SETDB1: variants seen among roughly 807,000 people sequenced by gnomAD.
The protein encoded by SETDB1 is SET domain bifurcated histone lysine methyltransferase 1.
In SETDB1, 31 loss-of-function variants were observed where a neutral mutation model predicts 137.4. That is an observed-to-expected ratio of 0.23 (90% CI 0.17 to 0.30). SETDB1 has a LOEUF of 0.30. Ranked by LOEUF, SETDB1 falls within the 10% of genes least tolerant of loss-of-function variation. The pLI is 1.00. For synonymous variants in SETDB1, 548 were observed against 579.9 expected, an observed-to-expected ratio of 0.95 and a Z score of 0.79; for missense variants, 1,113 against 1,631.5, an observed-to-expected ratio of 0.68 and a Z score of 5.47.
At chr1:150,959,395 G>C (rs775308993) in intron 15 of SETDB1, 48 bp downstream of exon 15, 2 of 1,478,200 alleles carry the variant, frequency 1.4e-6, no homozygotes, top group Non-Finnish European at 1.9e-6. Flanking sequence ...GGACATGGTA[G>C]GGAATTGAAC....
At chr1:150,962,256 C>A (rs987229525) in intron 17 of SETDB1, 98 bp downstream of exon 17, 1 of 1,078,940 alleles carries the variant, frequency 9.3e-7, no homozygotes, top group Non-Finnish European at 1.4e-6. Flanking sequence ...GCAACCTCCC[C>A]CTCCCAGGCT....
intron 15 of SETDB1, among the ~76,000 whole-genome samples, 169 bp downstream of exon 15, chr1:150,959,516 C>A (rs761956265): frequency 6.6e-5 from 10 of 151,940 alleles, no homozygotes; most frequent in Non-Finnish European, 1.3e-4. Context: ...CTAGCTAGAC[C>A]AGAGAGGGAC....
At position 150,949,453 on chromosome 1, in the gene SETDB1, A is replaced by C. The variant is rs1670433676; in HGVS notation, c.1511A>C (p.His504Pro). ...CGACCAGGATCTGTGGGCTCTGGTC[A>C]TTCCTCCCCTACATCTCCTGCACTC... is the stretch of plus-strand genomic sequence containing the variant. ...SFRPGSVGSG[H>P]SSPTSPALSE... Residue 504 changes from histidine (H) to proline (P), a missense_variant, in exon 12 of 22, where the codon CAT becomes CCT. His to Pro is a moderately conservative substitution (Grantham distance 77). Transcript: ENST00000692827. 1 of 1,614,010 alleles carries C rather than the reference A, an allele frequency of 6.2e-7. No homozygotes were observed. The highest frequency in any genetic ancestry group is 8.5e-7 in the Non-Finnish European group (1 of 1,179,998).
intron 15 of SETDB1, among the ~76,000 whole-genome samples, chr1:150,959,746 T>C (rs1670762700): frequency 6.6e-6 from 1 of 152,182 alleles, no homozygotes; most frequent in Non-Finnish European, 1.5e-5. Flanking sequence ...CTCCATACTT[T>C]CATAGTTAAG....
In SETDB1 at chr1:150,959,173, C is replaced by T; in HGVS notation, c.2334-5C>T. The T allele has an allele frequency of 6.5e-7, 1 of 1,533,144 alleles. No homozygotes were observed. The highest frequency in any genetic ancestry group is 1.3e-5 in the South Asian group (1 of 77,174). The allele number at this position is 1,533,144 out of a possible 1,614,324, so 95.0% of individuals were successfully genotyped here. ...GTGATTGATTTTATTCTAACCTCCT[C>T]CCAGGGTATATGAGTGTAACAAACG... On this transcript the variant is annotated splice_region_variant and splice_polypyrimidine_tract_variant and intron_variant, in intron 14 of 21. Transcript: ENST00000692827.
chr1:150,953,235 A>AG (rs1306697514), intron 14 of SETDB1, among the ~76,000 whole-genome samples: 1 of 152,054 alleles, frequency 6.6e-6, no homozygotes, highest in Non-Finnish European at 1.5e-5. Flanking sequence ...CTAAAAAAAA[A>AG]TTGTTGGGGC....
intron 15 of SETDB1, 62 bp from the exon 16 acceptor site, chr1:150,960,501 C>CAAA: frequency 2.1e-5 from 19 of 893,640 alleles, no homozygotes; most frequent in African/African-American, 7.6e-5. Flanking sequence ...AAAAAGCAAA[C>CAAA]AAAAAAAAAA....
intron 19 of SETDB1, 167 bp downstream of exon 19, chr1:150,963,306 C>A: frequency 2.8e-6 from 2 of 719,392 alleles, no homozygotes; most frequent in Non-Finnish European, 4.6e-6. Flanking sequence ...TTTGACACAT[C>A]CTCTCTCATT....
At chr1:150,961,443 C>T (rs1186144657) in intron 16 of SETDB1, 5 of 445,162 alleles carry the variant, frequency 1.1e-5, no homozygotes, top group South Asian at 8.6e-5. Flanking sequence ...ACTTGAAGTT[C>T]AGGAGTTGGA....
At chr1:150,941,465 T>G (rs1281569795) in intron 5 of SETDB1, 37 bp downstream of exon 5, 1 of 1,256,172 alleles carries the variant, frequency 8.0e-7, no homozygotes, top group Non-Finnish European at 1.2e-6. Flanking sequence ...AGATGGGAGG[T>G]GAATTCTTAC....
chr1:150,933,174 G>A (rs1405728999), intron 3 of SETDB1, among the ~76,000 whole-genome samples: 12 of 151,634 alleles, frequency 7.9e-5, no homozygotes, highest in Non-Finnish European at 1.8e-4. Context: ...ATCCTCCCAC[G>A]TCAGCCTCCT....
At chr1:150,948,617 T>G (rs2102711435) in intron 10 of SETDB1, among the ~76,000 whole-genome samples, 1 of 152,224 alleles carries the variant, frequency 6.6e-6, no homozygotes, top group East Asian at 1.9e-4. Context: ...GCTTTCACTT[T>G]AATAAAAGAA....
chr1:150,952,209 C>G (rs183568698), intron 14 of SETDB1, among the ~76,000 whole-genome samples: 29 of 151,988 alleles, frequency 1.9e-4, no homozygotes, highest in African/African-American at 7.0e-4. Flanking sequence ...TTTTAAGCTG[C>G]CAAGTGATGT....
chr1:150,940,361 T>C (rs1670096885), intron 4 of SETDB1, among the ~76,000 whole-genome samples: 1 of 150,012 alleles, frequency 6.7e-6, no homozygotes, highest in Non-Finnish European at 1.5e-5. Flanking sequence ...AGGTCAGGAG[T>C]TCAAGACCAG....
chr1:150,960,496 GC>G, intron 15 of SETDB1, 66 bp from the exon 16 acceptor site: 1 of 1,076,996 alleles, frequency 9.3e-7, no homozygotes. Context: ...AAAAAAAAAA[GC>G]AAACAAAAAA....
At chr1:150,945,135 G>T (rs1172474187) in intron 9 of SETDB1, 27 bp downstream of exon 9, 1 of 1,613,710 alleles carries the variant, frequency 6.2e-7, no homozygotes, top group South Asian at 1.1e-5. Context: ...CAATTTTGGA[G>T]GCAGAGGTTG....
At chr1:150,933,776 TTTC>T (rs1558012281) in intron 3 of SETDB1, among the ~76,000 whole-genome samples, 2 of 101,596 alleles carry the variant, frequency 2.0e-5, no homozygotes, top group African/African-American at 3.6e-5. Context: ...TCTTTTTCTT[TTTC>T]TTTTTTTTTT....
chr1:150,943,644 C>T (rs1485333750), intron 7 of SETDB1, among the ~76,000 whole-genome samples: 1 of 152,144 alleles, frequency 6.6e-6, no homozygotes, highest in Non-Finnish European at 1.5e-5. Flanking sequence ...CCACTGCACC[C>T]CAGCCTGGGC....
chr1:150,960,810 C>T lies in SETDB1; in HGVS notation c.2751C>T (p.Phe917=). 6.2e-7 allele frequency: 1 copy of T among 1,607,466 alleles called. No homozygotes were observed. Among genetic ancestry groups the T allele is most frequent in the Non-Finnish European group, 8.5e-7 (1 of 1,176,890 alleles). ...SDDNFCKDED[F]STSSVWRSYA... is the part of the protein sequence containing the mutation. The stretch of plus-strand genomic sequence containing the variant: ...ATAACTTCTGTAAGGATGAGGACTT[C>T]AGCACCAGTTCAGTGTGGCGGAGCT... The change falls in exon 16 of 22, where the codon TTC becomes TTT. Residue 917 remains phenylalanine, a synonymous_variant. Transcript: ENST00000692827.
Sources: allele counts gnomAD v4.1 joint callset (sites outside exome capture counted in the v4.1 genomes callset), GRCh38; gene constraint gnomAD v4.1.1; transcripts MANE v1.5; gene names NCBI Gene and HGNC (gene_info 2026-07-23, HGNC 2026-07-21).